The following PGBD5 variants were observed in gnomAD, a reference collection of about 807,000 sequenced individuals.
The protein encoded by PGBD5 is piggyBac transposable element derived 5, also known as piggyBac transposable element-derived protein 5.
A neutral mutation model predicts 47.9 loss-of-function variants in PGBD5; 14 were observed. The ratio of observed to expected loss-of-function variants is 0.29; its 90% CI spans 0.19 to 0.46. The LOEUF is 0.46. PGBD5 is among the 20% of genes least tolerant of loss of function. The pLI, the probability that PGBD5 is intolerant of heterozygous loss-of-function variation, is 1.00. For synonymous variants in PGBD5, 316 were observed against 306.3 expected (o/e 1.03, Z -0.33); for missense variants, 635 against 716.0 (o/e 0.89, Z 1.29).
chr1:230,404,414 GGA>G (rs765815676), intron 1 of PGBD5, among the ~76,000 whole-genome samples: 2 of 151,796 alleles, frequency 1.3e-5, no homozygotes, highest in Non-Finnish European at 2.9e-5. Flanking sequence ...TAGGAGTTTG[GGA>G]CCAGCCTGGG....
At chr1:230,333,625 C>T (rs773743443) in intron 4 of PGBD5, among the ~76,000 whole-genome samples, 1 of 152,220 alleles carries the variant, frequency 6.6e-6, no homozygotes, top group African/African-American at 2.4e-5. Context: ...GTCCACACTG[C>T]ACCCCAGGAA....
Position 230,364,066 on chromosome 1 carries a change from C to T in PGBD5, c.332-6745G>A, listed in dbSNP as rs1232993750. The stretch of plus-strand genomic sequence containing the variant: ...GGGTCCAAGTCTCAACTGTAGAATT[C>T]AGTCACTCAGTCACGAGTGCCTCAA... On this transcript the variant is annotated intron_variant, in intron 1 of 6. Transcript: ENST00000391860. Among the ~76,000 whole-genome samples the T allele has an allele frequency of 2.6e-5, 4 of 152,230 alleles. No individual in the cohort carries two copies. In the South Asian group the frequency reaches 6.2e-4, roughly 24 times the overall value.
chr1:230,351,157 T>A, intron 2 of PGBD5, 65 bp from the exon 3 acceptor site: 1 of 1,505,560 alleles, frequency 6.6e-7, no homozygotes, highest in South Asian at 1.3e-5. Flanking sequence ...CTCATCAGAT[T>A]GGAGCTCAAA....
chr1:230,422,749 A>AG (rs1657681902), intron 1 of PGBD5, among the ~76,000 whole-genome samples: 1 of 152,166 alleles, frequency 6.6e-6, no homozygotes, highest in South Asian at 2.1e-4. Flanking sequence ...ACAGAAGGAA[A>AG]GGGCTGGGAA....
rs1657782562 is a variant in PGBD5, at chr1:230,426,201, A to C, written c.-273T>G. The C allele has an allele frequency of 6.8e-6, 1 of 146,902 alleles. No homozygotes were observed. 9.1% of individuals were successfully genotyped at this position (146,902 alleles called of 1,614,324 possible). A position where few individuals can be genotyped will look rare whatever the true frequency, so the allele number is the denominator to read the frequency against. Reference sequence around the variant, plus strand: ...GGGCGACCCAGAGCGGGCGGGACGCAGAGGCTGCGGCCGAGACCAGGCGCC... The same window carrying C: ...GGGCGACCCAGAGCGGGCGGGACGCCGAGGCTGCGGCCGAGACCAGGCGCC... On this transcript the variant is annotated 5_prime_UTR_variant, in exon 1 of 7. Coordinates refer to ENST00000391860, the MANE Select transcript of PGBD5 (RefSeq NM_001258311.2).
chr1:230,342,410 C>A (rs1667418950), intron 3 of PGBD5, among the ~76,000 whole-genome samples: 1 of 152,218 alleles, frequency 6.6e-6, no homozygotes, highest in Admixed American at 6.5e-5. Flanking sequence ...TGAGTCTTAT[C>A]TCTAGTGTGC....
intron 1 of PGBD5, chr1:230,368,247 G>T: frequency 8.9e-6 from 11 of 1,238,874 alleles, no homozygotes; most frequent in Non-Finnish European, 1.1e-5. Flanking sequence ...TTTTTTCCAT[G>T]CCTAAAATAA....
At chr1:230,335,730 C>G (rs1482765066) in intron 4 of PGBD5, among the ~76,000 whole-genome samples, 2 of 100 alleles carry the variant, frequency 0.02, no homozygotes, top group African/African-American at 0.022. Flanking sequence ...TACAGACACA[C>G]ACAGACTTAC....
At chr1:230,401,052 G>C (rs865937587) in intron 1 of PGBD5, among the ~76,000 whole-genome samples, 3 of 152,364 alleles carry the variant, frequency 2.0e-5, no homozygotes, top group Non-Finnish European at 2.9e-5. Context: ...CCTGGAGACT[G>C]TCCTTGTCCC....
At chr1:230,350,931 C>T (rs755531539) in intron 3 of PGBD5, 27 bp downstream of exon 3, 2 of 1,608,830 alleles carry the variant, frequency 1.2e-6, no homozygotes, top group African/African-American at 2.7e-5. Context: ...CTTCACCGAC[C>T]CTCCCCGGGC....
intron 1 of PGBD5, among the ~76,000 whole-genome samples, chr1:230,393,849 A>T (rs1031630279): frequency 7.0e-6 from 1 of 142,988 alleles, no homozygotes; most frequent in South Asian, 2.4e-4. Flanking sequence ...AAAAAATAAT[A>T]GGCCCGGGGC....
At chr1:230,406,101 A>T (rs12143844) in intron 1 of PGBD5, among the ~76,000 whole-genome samples, 2 of 151,810 alleles carry the variant, frequency 1.3e-5, no homozygotes, top group Non-Finnish European at 2.9e-5. Flanking sequence ...GAGGTCAGGA[A>T]ATCGAGACCA....
intron 1 of PGBD5, among the ~76,000 whole-genome samples, chr1:230,421,247 GTAT>G (rs59364318): frequency 0.017 from 2,513 of 152,250 alleles, 32 homozygotes; most frequent in Non-Finnish European, 0.025. Context: ...CTACTCTTCT[GTAT>G]CCTGTTTGTG....
chr1:230,346,483 A>C (rs1046954278), intron 3 of PGBD5, among the ~76,000 whole-genome samples: 1 of 152,174 alleles, frequency 6.6e-6, no homozygotes, highest in Non-Finnish European at 1.5e-5. Context: ...AGCCTGGGTA[A>C]ATAGCAGTGG....
intron 3 of PGBD5, among the ~76,000 whole-genome samples, chr1:230,338,333 T>A (rs993085666): frequency 6.6e-6 from 1 of 152,224 alleles, no homozygotes; most frequent in Non-Finnish European, 1.5e-5. Context: ...AAGGCTGCAA[T>A]CAAAATGTTG....
At chr1:230,327,902 C>T (rs1038545757) in intron 5 of PGBD5, among the ~76,000 whole-genome samples, 36 of 152,250 alleles carry the variant, frequency 2.4e-4, no homozygotes, top group African/African-American at 6.5e-4. Context: ...TCTCCCATCT[C>T]CAGCTATGTT....
chr1:230,356,832 C>G (rs1368927721), intron 2 of PGBD5, 62 bp downstream of exon 2: 3 of 1,545,858 alleles, frequency 1.9e-6, no homozygotes, highest in African/African-American at 2.7e-5. Flanking sequence ...TGCCAACAGA[C>G]AAGGCTAGGC....
chr1:230,362,295 C>A, intron 1 of PGBD5: 1 of 1,367,724 alleles, frequency 7.3e-7, no homozygotes, highest in Non-Finnish European at 9.8e-7. Flanking sequence ...CACTGAGTTT[C>A]CCCACGGGTG....
At chr1:230,374,613 A>G (rs1571847241) in intron 1 of PGBD5, among the ~76,000 whole-genome samples, 2 of 152,304 alleles carry the variant, frequency 1.3e-5, no homozygotes, top group South Asian at 2.1e-4. Context: ...GCTTTTCTCA[A>G]TACAATTTCT....
Sources: gnomAD v4.1 joint callset for allele counts (sites outside exome capture counted in the v4.1 genomes callset) on GRCh38, gnomAD v4.1.1 for gene constraint, MANE v1.5 for transcripts, NCBI Gene and HGNC (gene_info 2026-07-23, HGNC 2026-07-21) for gene names.